CNTN5: variants seen among roughly 807,000 people sequenced by gnomAD.
The protein encoded by CNTN5 is contactin 5, also known as contactin-5.
A neutral mutation model predicts 129.1 loss-of-function variants in CNTN5; 77 were observed. The ratio of observed to expected loss-of-function variants is 0.60; its 90% confidence interval spans 0.50 to 0.72. The LOEUF (loss-of-function observed/expected upper bound fraction) is 0.72. Among genes scored for constraint, CNTN5 ranks in the 30% least tolerant of loss-of-function variants. CNTN5 has a pLI of 0.00. For synonymous variants in CNTN5, 509 were observed against 465.6 expected (o/e 1.09, Z -1.20); for missense variants, 1,478 against 1,328.8 (o/e 1.11, Z -1.75).
intron 3 of CNTN5, among the ~76,000 whole-genome samples, chr11:99,654,416 G>A (rs1196411701): frequency 6.6e-6 from 1 of 152,030 alleles, no homozygotes; most frequent in African/African-American, 2.4e-5. Flanking sequence ...ATTAGGCAAA[G>A]GTGGAGTTCA....
chr11:99,894,526 A>G (rs1462151659), intron 6 of CNTN5, among the ~76,000 whole-genome samples: 1 of 147,250 alleles, frequency 6.8e-6, no homozygotes, highest in African/African-American at 2.5e-5. Flanking sequence ...AAAAAAAAAA[A>G]AAACCAAAAA....
At position 100,333,408 on chromosome 11, in the gene CNTN5, G is replaced by GAAAAA. The variant is rs547220238; in HGVS notation, c.2731-7035_2731-7031dup. On this transcript the variant is annotated intron_variant, in intron 21 of 24. Transcript: ENST00000524871. Reference sequence around the variant, plus strand: ...ACCACCATCATTCTTCACTGAATTAGAAAAAAAAAAAAAAAAAAAAAAAAC... The same window carrying GAAAAA: ...ACCACCATCATTCTTCACTGAATTAGAAAAAAAAAAAAAAAAAAAAAAAAAAAAAC... Among the ~76,000 whole-genome samples the GAAAAA allele has an allele frequency of 4.3e-3, 318 of 74,118 alleles. 2 individuals are homozygous for GAAAAA. Among genetic ancestry groups the GAAAAA allele is most frequent in the Middle Eastern group, 0.016 (1 of 64 alleles). 48.6% of individuals were successfully genotyped at this position (74,118 alleles called of 152,430 possible). A position where few individuals can be genotyped will look rare whatever the true frequency, so the allele number is the denominator to read the frequency against.
intron 6 of CNTN5, among the ~76,000 whole-genome samples, chr11:99,891,948 C>T (rs1300945695): frequency 6.6e-6 from 1 of 152,164 alleles, no homozygotes; most frequent in Non-Finnish European, 1.5e-5. Context: ...CTCCCAACAA[C>T]AGTGTAAAAG....
At position 100,299,193 on chromosome 11, in the gene CNTN5, G is replaced by C. The variant is rs766533688; in HGVS notation, c.2417G>C (p.Gly806Ala). The C allele has an allele frequency of 6.2e-7, 1 of 1,607,834 alleles. No homozygotes were observed. Among genetic ancestry groups the C allele is most frequent in the Non-Finnish European group, 8.5e-7 (1 of 1,176,142 alleles). ...TCTGAAGAGTTTCAGAATGGGGAAGGCTTCGGCTATATTGTGGCTTTCAGA... is the reference window on the plus strand; with the variant it reads ...TCTGAAGAGTTTCAGAATGGGGAAGCCTTCGGCTATATTGTGGCTTTCAGA... ...PVSEEFQNGEGFGYIVAFRPN... is the reference protein window; with the variant it reads ...PVSEEFQNGEAFGYIVAFRPN... Residue 806 changes from glycine (G) to alanine (A), a missense_variant, in exon 20 of 25, where the codon GGC becomes GCC. Coordinates refer to ENST00000524871, the MANE Select transcript of CNTN5 (RefSeq NM_014361.4).
At chr11:99,316,685 C>A (rs1865353614) in intron 1 of CNTN5, among the ~76,000 whole-genome samples, 1 of 151,298 alleles carries the variant, frequency 6.6e-6, no homozygotes, top group African/African-American at 2.4e-5. Flanking sequence ...ATATTCTAAG[C>A]ACTTCAGTTA....
chr11:99,317,012 T>C (rs766108558), intron 1 of CNTN5, among the ~76,000 whole-genome samples: 19 of 152,280 alleles, frequency 1.2e-4, no homozygotes, highest in Middle Eastern at 3.4e-3. Flanking sequence ...TTTTCAGCTT[T>C]AGTTGCTCTC....
At chr11:99,334,738 T>A (rs1327615313) in intron 2 of CNTN5, among the ~76,000 whole-genome samples, 2 of 152,038 alleles carry the variant, frequency 1.3e-5, no homozygotes, top group Non-Finnish European at 2.9e-5. Flanking sequence ...ATGAAAAAAA[T>A]GTAAAATATT....
chr11:99,416,357 G>A (rs566955676), intron 2 of CNTN5, among the ~76,000 whole-genome samples: 26 of 151,998 alleles, frequency 1.7e-4, no homozygotes, highest in African/African-American at 6.3e-4. Flanking sequence ...GACAGTTCAG[G>A]GGAGCCTCAA....
chr11:99,243,880 C>A (rs962116961), intron 1 of CNTN5, among the ~76,000 whole-genome samples: 1 of 150,994 alleles, frequency 6.6e-6, no homozygotes, highest in African/African-American at 2.4e-5. Flanking sequence ...TTACAGTATT[C>A]TTTGAAATTC....
rs1384687394 is a variant in CNTN5, at chr11:99,941,854, G to A, written c.674-14952G>A. On this transcript the variant is annotated intron_variant, in intron 7 of 24. Transcript: ENST00000524871. Reference sequence around the variant, plus strand: ...AAAGACAGTGTTGTAGTTAAAAAGAGTCAGGCAAAATCATGTCAGTCCTAA... The same window carrying A: ...AAAGACAGTGTTGTAGTTAAAAAGAATCAGGCAAAATCATGTCAGTCCTAA... Among the ~76,000 whole-genome samples, 5 of 152,204 alleles carry A rather than the reference G, an allele frequency of 3.3e-5. No homozygotes were observed. In the East Asian group the frequency reaches 9.7e-4, roughly 29 times the overall value.
intron 16 of CNTN5, among the ~76,000 whole-genome samples, chr11:100,228,341 G>A (rs1009905938): frequency 6.6e-6 from 1 of 152,118 alleles, no homozygotes; most frequent in Non-Finnish European, 1.5e-5. Flanking sequence ...AATTTGAAAC[G>A]AATGAATTAA....
At chr11:99,883,381 A>G (rs1235485467) in intron 6 of CNTN5, among the ~76,000 whole-genome samples, 1 of 152,120 alleles carries the variant, frequency 6.6e-6, no homozygotes, top group Admixed American at 6.5e-5. Context: ...GGCATTCGTT[A>G]TCTCCTGTCT....
chr11:99,442,801 G>A (rs753611300), intron 2 of CNTN5, among the ~76,000 whole-genome samples: 5 of 152,188 alleles, frequency 3.3e-5, no homozygotes, highest in Non-Finnish European at 5.9e-5. Flanking sequence ...TGAGAAATCT[G>A]TGGCCTGTTC....
At chr11:100,312,885 TG>T (rs1951496915) in intron 21 of CNTN5, among the ~76,000 whole-genome samples, 1 of 152,072 alleles carries the variant, frequency 6.6e-6, no homozygotes, top group Non-Finnish European at 1.5e-5. Context: ...ATCTTATGAA[TG>T]TTACATCCTA....
At chr11:99,343,887 CA>C (rs147595549) in intron 2 of CNTN5, among the ~76,000 whole-genome samples, 1 of 150,830 alleles carries the variant, frequency 6.6e-6, no homozygotes, top group Non-Finnish European at 1.5e-5. Context: ...CTAAGTGAAA[CA>C]AAAAAAAATT....
intron 8 of CNTN5, among the ~76,000 whole-genome samples, chr11:99,997,896 GACAAAAACC>G (rs1434345955): frequency 3.3e-5 from 5 of 152,006 alleles, no homozygotes; most frequent in Non-Finnish European, 5.9e-5. Context: ...CAGAACCAAA[GACAAAAACC>G]ACATGATTAT....
rs572888706 is a variant in CNTN5, at chr11:99,994,589, A to T, written c.878-7445A>T. On this transcript the variant is annotated intron_variant, in intron 8 of 24. Transcript: ENST00000524871. ...AGGGACTCATGCATATAAGAGGCTTAGGTTTAATAAGCATCATGATAAATC... is the reference window on the plus strand; with the variant it reads ...AGGGACTCATGCATATAAGAGGCTTTGGTTTAATAAGCATCATGATAAATC... Among the ~76,000 whole-genome samples the T allele has an allele frequency of 5.7e-3, 865 of 152,312 alleles. 7 individuals are homozygous for T. The highest frequency in any genetic ancestry group is 6.2e-3 in the Non-Finnish European group (423 of 68,022).
At chr11:99,486,572 A>G (rs1334828813) in intron 2 of CNTN5, among the ~76,000 whole-genome samples, 1 of 152,204 alleles carries the variant, frequency 6.6e-6, no homozygotes, top group Non-Finnish European at 1.5e-5. Flanking sequence ...AATATGAATT[A>G]AAGTGATGAT....
At chr11:100,071,936 T>C (rs1429733937) in intron 12 of CNTN5, 102 bp downstream of exon 12, 1 of 1,071,580 alleles carries the variant, frequency 9.3e-7, no homozygotes, top group African/African-American at 1.6e-5. Flanking sequence ...TGTAAAAATC[T>C]ATTTTATGGC....
Sources: gnomAD v4.1 joint callset for allele counts (sites outside exome capture counted in the v4.1 genomes callset) on GRCh38, gnomAD v4.1.1 for gene constraint, MANE v1.5 for transcripts, NCBI Gene and HGNC (gene_info 2026-07-23, HGNC 2026-07-21) for gene names.